LUC7L3: variants seen among roughly 807,000 people sequenced by gnomAD.
LUC7L3 encodes LUC7 like 3 pre-mRNA splicing factor.
Under a neutral mutation model 66.8 loss-of-function variants are expected in LUC7L3, and 6 were observed. The observed-to-expected ratio is 0.09, with a 90% CI of 0.05 to 0.18. LUC7L3 has a LOEUF of 0.18. Among genes scored for constraint, LUC7L3 ranks in the 10% least tolerant of loss-of-function variants. The pLI is 1.00. For missense variants in LUC7L3, 341 were observed against 531.1 expected, an observed-to-expected ratio of 0.64 and a Z score of 3.52; for synonymous variants, 160 against 174.7, an observed-to-expected ratio of 0.92 and a Z score of 0.66.
In LUC7L3 at chr17:50,752,560, G is replaced by A. The variant is rs1256532238; in HGVS notation, c.*1899G>A. 6.5e-6 allele frequency: 1 copy of A among 154,612 alleles called. No homozygotes were observed. The highest frequency in any genetic ancestry group is 1.4e-5 in the Non-Finnish European group (1 of 69,470). 9.6% of individuals were successfully genotyped at this position (154,612 alleles called of 1,614,324 possible). A position where few individuals can be genotyped will look rare whatever the true frequency, so the allele number is the denominator to read the frequency against. On this transcript the variant is annotated 3_prime_UTR_variant, in exon 10 of 10. Coordinates refer to ENST00000505658, the MANE Select transcript of LUC7L3 (RefSeq NM_016424.5). ...TTAGTATTCGTGTGAATCAGACTAA[G>A]TGGGATTTCATTTTTACAACTCTGC...
At chr17:50,746,822 A>C in intron 9 of LUC7L3, 120 bp downstream of exon 9, 1 of 776,008 alleles carries the variant, frequency 1.3e-6, no homozygotes, top group Non-Finnish European at 2.0e-6. Context: ...ACTTTGAGGA[A>C]TGCCATTCAG....
intron 1 of LUC7L3, among the ~76,000 whole-genome samples, chr17:50,730,174 G>A (rs189647108): frequency 1.3e-5 from 2 of 151,592 alleles, no homozygotes; most frequent in Non-Finnish European, 2.9e-5. Flanking sequence ...GTCTTGCCAC[G>A]TTGCCCGGGC....
chr17:50,742,821 A>G (rs1970432974), intron 5 of LUC7L3, among the ~76,000 whole-genome samples: 1 of 152,248 alleles, frequency 6.6e-6, no homozygotes, highest in African/African-American at 2.4e-5. Context: ...GACTGGAATC[A>G]ATTAAAATAC....
intron 1 of LUC7L3, among the ~76,000 whole-genome samples, chr17:50,730,945 A>T (rs1306477493): frequency 6.6e-6 from 1 of 152,196 alleles, no homozygotes; most frequent in African/African-American, 2.4e-5. Flanking sequence ...GTCTCAAAAA[A>T]ATAAAAATAA....
At chr17:50,726,240 C>T (rs551947634) in intron 1 of LUC7L3, among the ~76,000 whole-genome samples, 147 of 152,282 alleles carry the variant, frequency 9.7e-4, no homozygotes, top group African/African-American at 3.2e-3. Context: ...GGTGCCATCT[C>T]GGCTCACTGC....
chr17:50,722,184 A>G (rs1347130638), intron 1 of LUC7L3: 2 of 92,954 alleles, frequency 2.2e-5, no homozygotes, highest in African/African-American at 8.9e-5. Context: ...GGCTCCTCTT[A>G]TGCATTCTTT....
rs928603253 is a variant in LUC7L3 at position 50,754,304 on chromosome 17, C to G, written c.*3643C>G. ...AAAAGAGGAACAATATAATTAACCTCTGTTAACTCATCACCAACAAGACTC... is the reference window on the plus strand; with the variant it reads ...AAAAGAGGAACAATATAATTAACCTGTGTTAACTCATCACCAACAAGACTC... On this transcript the variant is annotated 3_prime_UTR_variant, in exon 10 of 10. Transcript: ENST00000505658. 6.6e-6 allele frequency: 1 copy of G among 152,040 alleles called. No individual in the cohort carries two copies. The highest frequency in any genetic ancestry group is 1.5e-5 in the Non-Finnish European group (1 of 68,018). The allele number at this position is 152,040 out of a possible 1,614,324, so 9.4% of individuals were successfully genotyped here.
In LUC7L3 at chr17:50,719,744, C is replaced by A. The variant is rs771949311; in HGVS notation, c.12C>A (p.Ala4=). 6.2e-7 allele frequency: 1 copy of A among 1,612,014 alleles called. No homozygotes were observed. Residue 4 remains alanine (A), a synonymous_variant, in exon 1 of 10, where the codon GCC becomes GCA. Coordinates refer to ENST00000505658, the MANE Select transcript of LUC7L3 (RefSeq NM_016424.5). MIS[A]AQLLDELMGR... ...CCGAAGGAAGCACCATGATTTCGGC[C>A]GCGCAGTTGTTGGATGAGTTAATGG... is the stretch of plus-strand genomic sequence containing the variant.
intron 4 of LUC7L3, 75 bp from the exon 5 acceptor site, chr17:50,741,582 T>C (rs551164867): frequency 7.4e-6 from 6 of 810,724 alleles, no homozygotes; most frequent in African/African-American, 3.5e-5. Flanking sequence ...AGAAATATTA[T>C]GTATGGTATG....
chr17:50,735,424 C>G (rs1423123290), intron 1 of LUC7L3, among the ~76,000 whole-genome samples: 1 of 152,094 alleles, frequency 6.6e-6, no homozygotes, highest in Non-Finnish European at 1.5e-5. Flanking sequence ...AAAGAACTTT[C>G]AGGTTTAAAT....
chr17:50,739,181 A>C (rs1970186688), intron 2 of LUC7L3, among the ~76,000 whole-genome samples: 1 of 152,214 alleles, frequency 6.6e-6, no homozygotes, highest in Non-Finnish European at 1.5e-5. Context: ...ACAGAGCAGA[A>C]AAGGAATTCA....
chr17:50,730,158 G>T (rs1390382291), intron 1 of LUC7L3, among the ~76,000 whole-genome samples: 1 of 151,512 alleles, frequency 6.6e-6, no homozygotes, highest in African/African-American at 2.4e-5. Context: ...TATTGGTGGA[G>T]ATGGGGTCTT....
chr17:50,725,148 G>A (rs1410504268), intron 1 of LUC7L3, among the ~76,000 whole-genome samples: 3 of 144,964 alleles, frequency 2.1e-5, no homozygotes, highest in Non-Finnish European at 4.6e-5. Flanking sequence ...GGTGGCTCAC[G>A]CCTGTAATCC....
intron 1 of LUC7L3, among the ~76,000 whole-genome samples, chr17:50,736,427 T>C (rs529048153): frequency 1.6e-4 from 25 of 152,294 alleles, no homozygotes; most frequent in African/African-American, 5.5e-4. Flanking sequence ...TCCCCATCTT[T>C]CCAAAATATT....
intron 3 of LUC7L3, among the ~76,000 whole-genome samples, chr17:50,740,779 C>CA (rs1970300495): frequency 6.6e-6 from 1 of 152,176 alleles, no homozygotes; most frequent in South Asian, 2.1e-4. Context: ...AGGCTGGTCT[C>CA]AAACTGCTGA....
At position 50,741,213 on chromosome 17, in the gene LUC7L3, T is replaced by G. The variant is rs1452559980; in HGVS notation, c.318T>G (p.Arg106=). 8 of 1,614,064 alleles carry G rather than the reference T, an allele frequency of 5.0e-6. No homozygotes were observed. Among genetic ancestry groups the G allele is most frequent in the Non-Finnish European group, 6.8e-6 (8 of 1,180,020 alleles). ...VERRIRRGHA[R]LALSQNQQSS... ...GTAGGATCAGACGAGGCCATGCTCGTTTGGCATTATCTCAAAACCAGCAGT... is the reference window on the plus strand; with the variant it reads ...GTAGGATCAGACGAGGCCATGCTCGGTTGGCATTATCTCAAAACCAGCAGT... The change falls in exon 4 of 10, where the codon CGT becomes CGG. Residue 106 remains arginine, a synonymous_variant. Transcript: ENST00000505658.
chr17:50,743,643 G>GA, intron 5 of LUC7L3, 63 bp from the exon 6 acceptor site: 2 of 1,066,552 alleles, frequency 1.9e-6, no homozygotes, highest in Non-Finnish European at 2.8e-6. Context: ...GAACCATGGG[G>GA]AAAAAAGACA....
intron 1 of LUC7L3, among the ~76,000 whole-genome samples, chr17:50,734,734 G>A (rs921039581): frequency 6.6e-6 from 1 of 152,200 alleles, no homozygotes; most frequent in African/African-American, 2.4e-5. Flanking sequence ...CTGTATCAGA[G>A]TAATATTGGC....
intron 1 of LUC7L3, among the ~76,000 whole-genome samples, chr17:50,729,899 TATATATATATATATATATATATATATATA>T (rs1969457084): frequency 2.1e-4 from 3 of 14,260 alleles, no homozygotes; most frequent in Non-Finnish European, 3.0e-4. Context: ...AAATACATTA[TATATATATATATATATATATATATATATA>T]TATATATATA....
Sources: allele counts gnomAD v4.1 joint callset (sites outside exome capture counted in the v4.1 genomes callset), GRCh38; gene constraint gnomAD v4.1.1; transcripts MANE v1.5; gene names NCBI Gene and HGNC (gene_info 2026-07-23, HGNC 2026-07-21).